SLIT3: variants seen among roughly 807,000 people sequenced by gnomAD.
The protein encoded by SLIT3 is slit homolog 3 protein.
Under a neutral mutation model 184.0 loss-of-function variants are expected in SLIT3, and 68 were observed. That is an observed-to-expected ratio of 0.37 (90% CI 0.30 to 0.45). SLIT3 has a LOEUF of 0.45. Among genes scored for constraint, SLIT3 ranks in the 20% least tolerant of loss-of-function variants. The probability of loss-of-function intolerance (pLI) is 1.00; values close to 1 mark genes in which losing one functional copy is unlikely to be tolerated. For missense variants in SLIT3, 1,707 were observed against 2,026.0 expected, an observed-to-expected ratio of 0.84 and a Z score of 3.02; for synonymous variants, 831 against 828.6, an observed-to-expected ratio of 1.00 and a Z score of -0.05.
chr5:168,938,489 A>T (rs996480305), intron 4 of SLIT3, among the ~76,000 whole-genome samples: 1 of 152,214 alleles, frequency 6.6e-6, no homozygotes, highest in Non-Finnish European at 1.5e-5. Context: ...GCAGTGGCCA[A>T]TGATGATACT....
chr5:169,073,930 G>A (rs1758645755), intron 4 of SLIT3, among the ~76,000 whole-genome samples: 1 of 152,132 alleles, frequency 6.6e-6, no homozygotes, highest in South Asian at 2.1e-4. Flanking sequence ...ACAGACAGAT[G>A]TGTGCTTTCC....
chr5:168,929,199 AC>A (rs1178686473), intron 4 of SLIT3, among the ~76,000 whole-genome samples: 1 of 152,108 alleles, frequency 6.6e-6, no homozygotes, highest in East Asian at 1.9e-4. Context: ...TCCCAACTCT[AC>A]CTTAAACCAT....
At chr5:168,942,784 C>A (rs1207217640) in intron 4 of SLIT3, among the ~76,000 whole-genome samples, 1 of 152,104 alleles carries the variant, frequency 6.6e-6, no homozygotes, top group Non-Finnish European at 1.5e-5. Flanking sequence ...TGACCAGAGC[C>A]TAGGATCAGA....
At chr5:168,796,839 A>G (rs1299661006) in intron 9 of SLIT3, among the ~76,000 whole-genome samples, 1 of 152,102 alleles carries the variant, frequency 6.6e-6, no homozygotes, top group Non-Finnish European at 1.5e-5. Context: ...ATTTCAAACA[A>G]CATCTCAGCT....
intron 4 of SLIT3, among the ~76,000 whole-genome samples, chr5:168,922,511 C>T (rs1029746671): frequency 6.8e-6 from 1 of 147,720 alleles, no homozygotes; most frequent in African/African-American, 2.5e-5. Context: ...AAGTAAAAAT[C>T]CGTAGAGGTG....
At chr5:168,974,876 C>T (rs527582138) in intron 4 of SLIT3, among the ~76,000 whole-genome samples, 2 of 152,336 alleles carry the variant, frequency 1.3e-5, no homozygotes, top group East Asian at 3.9e-4. Flanking sequence ...CCCTGGCCTT[C>T]CACATATTAG....
intron 3 of SLIT3, among the ~76,000 whole-genome samples, chr5:169,195,145 G>A (rs1763700046): frequency 1.3e-5 from 2 of 152,176 alleles, no homozygotes; most frequent in Non-Finnish European, 2.9e-5. Context: ...CTAAGGAATA[G>A]AAAAGGTGAG....
intron 20 of SLIT3, among the ~76,000 whole-genome samples, chr5:168,726,280 A>C (rs1417010237): frequency 2.0e-5 from 3 of 150,480 alleles, no homozygotes; most frequent in Admixed American, 6.6e-5. Context: ...AGTATCGTAT[A>C]TACTGGTGAA....
chr5:168,713,889 A>G (rs983738514), intron 23 of SLIT3, among the ~76,000 whole-genome samples: 5 of 152,244 alleles, frequency 3.3e-5, no homozygotes, highest in African/African-American at 1.2e-4. Flanking sequence ...TGACGCCAGT[A>G]GCAAGGGTTT....
At chr5:168,911,159 C>T (rs761396947) in intron 4 of SLIT3, among the ~76,000 whole-genome samples, 2 of 152,112 alleles carry the variant, frequency 1.3e-5, no homozygotes, top group East Asian at 1.9e-4. Context: ...ACAAATACTG[C>T]ACGTTAATTA....
intron 1 of SLIT3, among the ~76,000 whole-genome samples, chr5:169,291,079 G>A (rs1345396376): frequency 6.6e-6 from 1 of 152,156 alleles, no homozygotes; most frequent in Non-Finnish European, 1.5e-5. Flanking sequence ...GTTAGGACAA[G>A]AGAAGAGGAG....
chr5:169,226,650 T>A (rs186757748), intron 3 of SLIT3, among the ~76,000 whole-genome samples: 34 of 152,280 alleles, frequency 2.2e-4, no homozygotes, highest in African/African-American at 8.2e-4. Flanking sequence ...AGTAGGTGTT[T>A]AATAAATGTA....
intron 1 of SLIT3, among the ~76,000 whole-genome samples, chr5:169,289,287 C>T (rs918979541): frequency 6.6e-6 from 1 of 152,184 alleles, no homozygotes; most frequent in East Asian, 1.9e-4. Context: ...TTTCTACCTA[C>T]ATTCTAGAGC....
chr5:168,877,825 A>G (rs982854695), intron 5 of SLIT3, among the ~76,000 whole-genome samples: 9 of 152,156 alleles, frequency 5.9e-5, no homozygotes, highest in Non-Finnish European at 1.0e-4. Context: ...AAACAGAGGA[A>G]AACATAACTG....
chr5:168,874,917 C>G (rs929125781), intron 5 of SLIT3, among the ~76,000 whole-genome samples: 1 of 152,188 alleles, frequency 6.6e-6, no homozygotes, highest in Non-Finnish European at 1.5e-5. Flanking sequence ...CTGTGCATGT[C>G]TCCCCCTGTA....
chr5:169,239,721 G>A (rs1013953949), intron 3 of SLIT3, among the ~76,000 whole-genome samples: 2 of 151,706 alleles, frequency 1.3e-5, no homozygotes, highest in African/African-American at 4.8e-5. Flanking sequence ...GAATTAGTTT[G>A]GCTTTTTAGA....
intron 4 of SLIT3, among the ~76,000 whole-genome samples, chr5:168,923,353 G>C (rs1761703425): frequency 6.6e-6 from 1 of 151,836 alleles, no homozygotes; most frequent in Non-Finnish European, 1.5e-5. Flanking sequence ...CCAAATATCT[G>C]TTCAGTCCAC....
intron 3 of SLIT3, among the ~76,000 whole-genome samples, chr5:169,226,129 G>A (rs113756635): frequency 7.0e-4 from 107 of 152,232 alleles, no homozygotes; most frequent in African/African-American, 2.5e-3. Flanking sequence ...TGGGTGTAAC[G>A]ATACAGATGT....
At chr5:168,676,066 T>C (rs1761400212) in intron 32 of SLIT3, among the ~76,000 whole-genome samples, 1 of 151,904 alleles carries the variant, frequency 6.6e-6, no homozygotes, top group Non-Finnish European at 1.5e-5. Context: ...ATTCATCCCA[T>C]CACATCCATC....
Sources: allele counts gnomAD v4.1 joint callset (sites outside exome capture counted in the v4.1 genomes callset), GRCh38; gene constraint gnomAD v4.1.1; transcripts MANE v1.5; gene names NCBI Gene and HGNC (gene_info 2026-07-23, HGNC 2026-07-21).